RIPOR2: variants seen among roughly 807,000 people sequenced by gnomAD.
The protein encoded by RIPOR2 is RHO family interacting cell polarization regulator 2, also known as rho family-interacting cell polarization regulator 2.
Under a neutral mutation model 114.5 loss-of-function variants are expected in RIPOR2, and 39 were observed. The observed-to-expected ratio is 0.34, with a 90% CI of 0.26 to 0.44. RIPOR2 has a LOEUF of 0.44. RIPOR2 is among the 20% of genes least tolerant of loss of function. The pLI is 1.00. For missense variants in RIPOR2, 1,007 were observed against 1,255.1 expected (o/e 0.80, Z 2.99); for synonymous variants, 445 against 484.4 (o/e 0.92, Z 1.07).
intron 1 of RIPOR2, among the ~76,000 whole-genome samples, chr6:24,972,328 C>A (rs1342743105): frequency 6.6e-6 from 1 of 152,200 alleles, no homozygotes; most frequent in Non-Finnish European, 1.5e-5. Context: ...GGGCTAAATG[C>A]AATCTTAACC....
intron 1 of RIPOR2, among the ~76,000 whole-genome samples, chr6:25,029,082 A>C (rs1259170447): frequency 6.6e-6 from 1 of 152,040 alleles, no homozygotes; most frequent in Non-Finnish European, 1.5e-5. Context: ...AATTCAAGAG[A>C]TCGAGACCAT....
At chr6:25,039,104 A>C (rs1280077520) in intron 1 of RIPOR2, among the ~76,000 whole-genome samples, 1 of 152,232 alleles carries the variant, frequency 6.6e-6, no homozygotes, top group Admixed American at 6.5e-5. Context: ...GGATTATATA[A>C]CTTGAGTCCC....
intron 1 of RIPOR2, among the ~76,000 whole-genome samples, chr6:24,886,728 T>A (rs1041466644): frequency 6.6e-6 from 1 of 152,232 alleles, no homozygotes; most frequent in Non-Finnish European, 1.5e-5. Flanking sequence ...TTACCGGTGA[T>A]GTTAACTTTG....
intron 1 of RIPOR2, chr6:24,976,511 G>T: frequency 6.3e-7 from 1 of 1,581,978 alleles, no homozygotes; most frequent in Non-Finnish European, 8.7e-7. Context: ...AAACCAAGAA[G>T]TGACTGCTCA....
intron 1 of RIPOR2, among the ~76,000 whole-genome samples, chr6:24,979,439 C>A (rs546986836): frequency 6.6e-6 from 1 of 152,182 alleles, no homozygotes; most frequent in Non-Finnish European, 1.5e-5. Context: ...GTGTCTTCTG[C>A]AAACCTGACA....
At chr6:24,922,734 C>A (rs1043301824) in intron 1 of RIPOR2, among the ~76,000 whole-genome samples, 5 of 151,492 alleles carry the variant, frequency 3.3e-5, no homozygotes, top group African/African-American at 1.2e-4. Context: ...TTGGCGTGCA[C>A]CTGTAGTTCC....
intron 1 of RIPOR2, among the ~76,000 whole-genome samples, chr6:25,008,403 T>A (rs1775644116): frequency 6.6e-6 from 1 of 152,090 alleles, no homozygotes. Flanking sequence ...GAGGGGTCAG[T>A]CAGAGAAAGA....
chr6:24,964,492 G>A (rs762574619), intron 1 of RIPOR2, among the ~76,000 whole-genome samples: 13 of 152,108 alleles, frequency 8.5e-5, no homozygotes, highest in African/African-American at 2.2e-4. Context: ...TTATTGCTGA[G>A]TATATTGTAT....
intron 1 of RIPOR2, among the ~76,000 whole-genome samples, chr6:25,000,322 A>G (rs1040758025): frequency 2.6e-5 from 4 of 152,002 alleles, no homozygotes; most frequent in Admixed American, 2.6e-4. Context: ...AACTCACACA[A>G]TGCACTCCAA....
intron 1 of RIPOR2, among the ~76,000 whole-genome samples, chr6:24,928,859 C>T (rs187833900): frequency 2.3e-4 from 35 of 152,236 alleles, no homozygotes; most frequent in African/African-American, 7.9e-4. Flanking sequence ...AAGCTAGATC[C>T]GAGTGTGTTC....
upstream of RIPOR2, among the ~76,000 whole-genome samples, chr6:24,939,276 A>T (rs532906577): frequency 6.6e-6 from 1 of 152,360 alleles, no homozygotes; most frequent in East Asian, 1.9e-4. Flanking sequence ...TGCTGAGCTT[A>T]TATAAAATTT....
At chr6:24,948,930 G>T (rs568242339) in intron 1 of RIPOR2, among the ~76,000 whole-genome samples, 1 of 152,256 alleles carries the variant, frequency 6.6e-6, no homozygotes, top group Admixed American at 6.5e-5. Flanking sequence ...CTGAGGCACT[G>T]GTTCTGGCCC....
intron 1 of RIPOR2, among the ~76,000 whole-genome samples, chr6:24,964,267 C>T (rs112074563): frequency 0.015 from 2,222 of 151,940 alleles, 29 homozygotes; most frequent in Non-Finnish European, 0.02. Flanking sequence ...CAGAGCTCTC[C>T]CTCATGCTAC....
At chr6:24,998,231 G>A (rs1271664660) in intron 1 of RIPOR2, among the ~76,000 whole-genome samples, 1 of 152,048 alleles carries the variant, frequency 6.6e-6, no homozygotes, top group Non-Finnish European at 1.5e-5. Flanking sequence ...TATACTCCAT[G>A]ATGTGTTCAT....
At chr6:24,807,499 T>C (rs1780848866) in intron 21 of RIPOR2, among the ~76,000 whole-genome samples, 1 of 152,192 alleles carries the variant, frequency 6.6e-6, no homozygotes, top group Non-Finnish European at 1.5e-5. Flanking sequence ...AGCTATGATG[T>C]TCTGCAAGTA....
At chr6:24,924,430 C>T (rs1462602658) in intron 1 of RIPOR2, among the ~76,000 whole-genome samples, 4 of 152,124 alleles carry the variant, frequency 2.6e-5, no homozygotes, top group Non-Finnish European at 5.9e-5. Flanking sequence ...GAAAAGACCC[C>T]TTGGACGCTT....
intron 1 of RIPOR2, among the ~76,000 whole-genome samples, chr6:25,019,560 G>A (rs1279241191): frequency 6.6e-6 from 1 of 151,790 alleles, no homozygotes; most frequent in African/African-American, 2.4e-5. Context: ...ACGAGGTCAG[G>A]AGATCGAGAC....
At chr6:24,969,022 C>G (rs1773656111) in intron 1 of RIPOR2, among the ~76,000 whole-genome samples, 1 of 152,186 alleles carries the variant, frequency 6.6e-6, no homozygotes, top group African/African-American at 2.4e-5. Flanking sequence ...CAACCACCTT[C>G]CCATCATTAG....
chr6:24,969,985 T>G (rs1773705058), intron 1 of RIPOR2, among the ~76,000 whole-genome samples: 2 of 152,124 alleles, frequency 1.3e-5, no homozygotes, highest in South Asian at 4.1e-4. Flanking sequence ...AAATATTTGT[T>G]GAATAAACAA....
Sources: allele counts gnomAD v4.1 joint callset (sites outside exome capture counted in the v4.1 genomes callset), GRCh38; gene constraint gnomAD v4.1.1; transcripts MANE v1.5; gene names NCBI Gene and HGNC (gene_info 2026-07-23, HGNC 2026-07-21).